KIAA1217: variants seen among roughly 807,000 people sequenced by gnomAD.
The protein encoded by KIAA1217 is sickle tail protein homolog.
Under a neutral mutation model 163.9 loss-of-function variants are expected in KIAA1217, and 88 were observed. The ratio of observed to expected loss-of-function variants is 0.54; its 90% CI spans 0.45 to 0.64. The LOEUF is 0.64. KIAA1217 is among the 30% of genes least tolerant of loss of function. The probability of loss-of-function intolerance (pLI) is 0.00; values close to 1 mark genes in which losing one functional copy is unlikely to be tolerated. For missense variants in KIAA1217, 2,372 were observed against 2,475.0 expected (o/e 0.96, Z 0.88); for synonymous variants, 903 against 923.1 (o/e 0.98, Z 0.39).
At chr10:24,096,348 G>A (rs2062160894) in intron 2 of KIAA1217, among the ~76,000 whole-genome samples, 1 of 152,030 alleles carries the variant, frequency 6.6e-6, no homozygotes. Context: ...ACTAACTTCA[G>A]TGGCACTACC....
chr10:24,234,907 C>A (rs1408323312), intron 2 of KIAA1217, among the ~76,000 whole-genome samples: 1 of 152,118 alleles, frequency 6.6e-6, no homozygotes, highest in Non-Finnish European at 1.5e-5. Flanking sequence ...TCTTGACAAG[C>A]TGTATCTGAA....
chr10:24,219,767 G>A lies in KIAA1217; in HGVS notation c.212G>A (p.Gly71Glu). 4 of 1,613,932 alleles carry A rather than the reference G, an allele frequency of 2.5e-6. No individual in the cohort carries two copies. The highest frequency in any genetic ancestry group is 3.4e-6 in the Non-Finnish European group (4 of 1,179,932). The change falls in exon 2 of 21, where the codon GGG becomes GAG. Residue 71 changes from glycine (G) to glutamate (E), a missense_variant. Transcript: ENST00000376454. ...ATCCCAAGGAGACACACCCTAGGGG[G>A]GCCCCGAAGTTCCAAGGAAATACTG... ...RNIPRRHTLG[G>E]PRSSKEILGM...
chr10:24,093,639 G>T (rs1052308419), intron 2 of KIAA1217, among the ~76,000 whole-genome samples: 3 of 151,332 alleles, frequency 2.0e-5, no homozygotes, highest in African/African-American at 4.9e-5. Flanking sequence ...AGTTATAATG[G>T]TTACTTTTTT....
intron 1 of KIAA1217, among the ~76,000 whole-genome samples, chr10:23,939,005 A>G (rs1843649001): frequency 1.3e-5 from 2 of 152,228 alleles, no homozygotes; most frequent in Non-Finnish European, 2.9e-5. Flanking sequence ...TATATCCCAT[A>G]GAGTCAAGAA....
At chr10:23,793,404 A>T (rs1270131223) in intron 1 of KIAA1217, among the ~76,000 whole-genome samples, 1 of 152,128 alleles carries the variant, frequency 6.6e-6, no homozygotes, top group Non-Finnish European at 1.5e-5. Flanking sequence ...TTCCTGGCTG[A>T]AGGTTAAATG....
chr10:23,849,717 G>T (rs988582187), intron 1 of KIAA1217, among the ~76,000 whole-genome samples: 16 of 152,010 alleles, frequency 1.1e-4, no homozygotes, highest in Admixed American at 9.2e-4. Flanking sequence ...AAAAAGAGTT[G>T]CTCTCAATGG....
chr10:24,457,384 G>A (rs769607367), intron 5 of KIAA1217, among the ~76,000 whole-genome samples: 4 of 150,788 alleles, frequency 2.7e-5, no homozygotes, highest in Admixed American at 6.6e-5. Flanking sequence ...GGGTGGCGGG[G>A]TTTGGGGGGA....
At chr10:24,038,693 C>T (rs1431445618) in intron 2 of KIAA1217, among the ~76,000 whole-genome samples, 4 of 150,982 alleles carry the variant, frequency 2.6e-5, no homozygotes, top group Non-Finnish European at 5.9e-5. Flanking sequence ...TCCAGTGGCT[C>T]AGACAAGCAG....
chr10:24,313,212 A>T (rs1207110194), intron 2 of KIAA1217, among the ~76,000 whole-genome samples: 3 of 152,148 alleles, frequency 2.0e-5, no homozygotes, highest in Non-Finnish European at 4.4e-5. Flanking sequence ...CAGTTCAGTT[A>T]TTGATTTTTA....
chr10:23,921,478 C>T (rs984973456), intron 1 of KIAA1217, among the ~76,000 whole-genome samples: 10 of 152,124 alleles, frequency 6.6e-5, no homozygotes, highest in Admixed American at 6.5e-5. Context: ...GTTGCCTATC[C>T]TCTCTTGTAC....
chr10:24,245,854 T>C (rs187256483), intron 2 of KIAA1217, among the ~76,000 whole-genome samples: 23 of 151,878 alleles, frequency 1.5e-4, no homozygotes, highest in Non-Finnish European at 2.6e-4. Context: ...CTTAGGCTGG[T>C]CTCAGACTCC....
chr10:23,962,369 A>G (rs935540566), intron 1 of KIAA1217, among the ~76,000 whole-genome samples: 1 of 152,216 alleles, frequency 6.6e-6, no homozygotes, highest in Non-Finnish European at 1.5e-5. Flanking sequence ...ACTAGAACAG[A>G]TATTAACTCA....
chr10:24,063,600 T>G (rs2060818662), intron 2 of KIAA1217, among the ~76,000 whole-genome samples: 1 of 152,210 alleles, frequency 6.6e-6, no homozygotes, highest in Non-Finnish European at 1.5e-5. Context: ...TTCTTTTGGC[T>G]TAGGATTGAC....
At chr10:23,734,436 G>A (rs1341686571) in intron 1 of KIAA1217, among the ~76,000 whole-genome samples, 3 of 151,804 alleles carry the variant, frequency 2.0e-5, no homozygotes, top group Admixed American at 6.6e-5. Flanking sequence ...ACAGGTGCAT[G>A]CCACAACGCC....
intron 2 of KIAA1217, among the ~76,000 whole-genome samples, chr10:24,099,637 T>C (rs569325903): frequency 2.0e-5 from 3 of 148,640 alleles, no homozygotes; most frequent in African/African-American, 2.5e-5. Flanking sequence ...ATGTGCACAA[T>C]GTGCAGGTTT....
chr10:23,713,914 G>A (rs1837411293), intron 1 of KIAA1217, among the ~76,000 whole-genome samples: 1 of 152,078 alleles, frequency 6.6e-6, no homozygotes, highest in African/African-American at 2.4e-5. Flanking sequence ...ACTTTCTTCT[G>A]AATTCAAACT....
At chr10:24,376,294 T>C (rs2052478900) in intron 2 of KIAA1217, among the ~76,000 whole-genome samples, 1 of 152,198 alleles carries the variant, frequency 6.6e-6, no homozygotes, top group South Asian at 2.1e-4. Context: ...GATCTTTTCT[T>C]CTTATATGAT....
chr10:24,037,616 T>A (rs1848450623), intron 2 of KIAA1217, among the ~76,000 whole-genome samples: 1 of 152,194 alleles, frequency 6.6e-6, no homozygotes, highest in African/African-American at 2.4e-5. Flanking sequence ...ATGGGCAAGT[T>A]GCCTGTTGAT....
chr10:24,409,456 G>T (rs1178522980), intron 3 of KIAA1217, among the ~76,000 whole-genome samples: 1 of 152,098 alleles, frequency 6.6e-6, no homozygotes, highest in Non-Finnish European at 1.5e-5. Context: ...AGGGGCTGGA[G>T]GAAGGGATTA....
Sources: allele counts gnomAD v4.1 joint callset (sites outside exome capture counted in the v4.1 genomes callset), GRCh38; gene constraint gnomAD v4.1.1; transcripts MANE v1.5; gene names NCBI Gene and HGNC (gene_info 2026-07-23, HGNC 2026-07-21).